The following FBN2 variants were observed in gnomAD, a reference collection of about 807,000 sequenced individuals.
The protein encoded by FBN2 is fibrillin 2.
In FBN2, 105 loss-of-function variants were observed where a neutral mutation model predicts 355.6. The ratio of observed to expected loss-of-function variants is 0.30; its 90% CI spans 0.25 to 0.35. The LOEUF is 0.35. Among genes scored for constraint, FBN2 ranks in the 10% least tolerant of loss-of-function variants. The pLI, the probability that FBN2 is intolerant of heterozygous loss-of-function variation, is 1.00. For synonymous variants in FBN2, 1,350 were observed against 1,301.2 expected (o/e 1.04, Z -0.81); for missense variants, 3,280 against 3,758.7 (o/e 0.87, Z 3.33).
intron 62 of FBN2, among the ~76,000 whole-genome samples, chr5:128,269,654 G>A (rs190922455): frequency 1.3e-4 from 19 of 151,998 alleles, no homozygotes; most frequent in Non-Finnish European, 2.4e-4. Flanking sequence ...AATAAAATAC[G>A]TAAGAATACA....
At chr5:128,518,931 T>C (rs943956570) in intron 5 of FBN2, among the ~76,000 whole-genome samples, 2 of 152,178 alleles carry the variant, frequency 1.3e-5, no homozygotes, top group African/African-American at 4.8e-5. Flanking sequence ...CAAAGATAAC[T>C]TGACACTATT....
chr5:128,277,340 T>C (rs1554116973), intron 58 of FBN2, among the ~76,000 whole-genome samples: 1 of 152,240 alleles, frequency 6.6e-6, no homozygotes, highest in Non-Finnish European at 1.5e-5. Context: ...TGTAAAATGA[T>C]AGAAGGATTC....
At chr5:128,448,242 T>G (rs985788003) in intron 6 of FBN2, among the ~76,000 whole-genome samples, 7 of 151,988 alleles carry the variant, frequency 4.6e-5, no homozygotes, top group African/African-American at 1.5e-4. Flanking sequence ...CTACTGTTCA[T>G]GAAGACTCCT....
At chr5:128,458,393 G>A (rs1232426902) in intron 6 of FBN2, among the ~76,000 whole-genome samples, 3 of 151,178 alleles carry the variant, frequency 2.0e-5, no homozygotes, top group African/African-American at 4.9e-5. Context: ...AGTACTAGAC[G>A]GATAAATGAG....
At chr5:128,295,968 T>C (rs1749496124) in intron 48 of FBN2, among the ~76,000 whole-genome samples, 1 of 149,638 alleles carries the variant, frequency 6.7e-6, no homozygotes, top group Admixed American at 6.6e-5. Context: ...ATATTGGCTG[T>C]GGGTTTGTCA....
intron 5 of FBN2, among the ~76,000 whole-genome samples, chr5:128,491,511 G>C (rs905716327): frequency 4.6e-5 from 7 of 152,180 alleles, no homozygotes; most frequent in Non-Finnish European, 7.3e-5. Flanking sequence ...AGCAACAGAA[G>C]ACTGCCAGGG....
intron 7 of FBN2, among the ~76,000 whole-genome samples, chr5:128,444,035 T>C (rs565791091): frequency 9.1e-4 from 133 of 146,778 alleles, no homozygotes; most frequent in African/African-American, 3.2e-3. Flanking sequence ...TAGTTTTATA[T>C]AAGCAAATAT....
At chr5:128,270,770 T>A (rs912511726) in intron 62 of FBN2, among the ~76,000 whole-genome samples, 2 of 152,230 alleles carry the variant, frequency 1.3e-5, no homozygotes, top group Non-Finnish European at 2.9e-5. Flanking sequence ...CTGTTTCTGA[T>A]ATTCTAAAGA....
At chr5:128,283,907 T>C (rs1749057556) in intron 55 of FBN2, among the ~76,000 whole-genome samples, 1 of 152,230 alleles carries the variant, frequency 6.6e-6, no homozygotes, top group Admixed American at 6.5e-5. Context: ...ACTTATCTTT[T>C]ATACATATTC....
intron 7 of FBN2, among the ~76,000 whole-genome samples, chr5:128,428,697 C>G (rs1414040094): frequency 1.3e-5 from 2 of 152,210 alleles, no homozygotes; most frequent in African/African-American, 4.8e-5. Context: ...TTTACTGTCT[C>G]TTGCCTCTAT....
At position 128,338,111 on chromosome 5, in the gene FBN2, A is replaced by AT; in HGVS notation, c.3483dup (p.Cys1162MetfsTer2). ...CTACAAAGGAGAGGGTTACGTTCAC[A>AT]TTCGTCAATGTCTGAAAGGTAAAAA... On this transcript the variant is annotated frameshift_variant, in exon 27 of 65. Transcript: ENST00000262464. LOFTEE classifies it high-confidence loss of function. 1 of 1,614,142 alleles carries AT rather than the reference A, an allele frequency of 6.2e-7. No homozygotes were observed.
chr5:128,363,639 G>A (rs1358527088), intron 18 of FBN2, among the ~76,000 whole-genome samples: 4 of 152,188 alleles, frequency 2.6e-5, no homozygotes, highest in Non-Finnish European at 5.9e-5. Context: ...TTATAATGAG[G>A]TTGTTAGGGT....
chr5:128,447,555 A>C (rs1177712231), intron 6 of FBN2, among the ~76,000 whole-genome samples: 1 of 152,146 alleles, frequency 6.6e-6, no homozygotes, highest in East Asian at 1.9e-4. Context: ...TCCTGATAAG[A>C]TGTTATCAAT....
In FBN2 at chr5:128,324,428, T is replaced by C. The variant is rs112177406; in HGVS notation, c.4471+4268A>G. 8.5e-4 allele frequency among the ~76,000 whole-genome samples: 130 copies of C among 152,330 alleles called. 2 individuals are homozygous for C. Among genetic ancestry groups the C allele is most frequent in the Middle Eastern group, 6.8e-3 (2 of 294 alleles). ...GCTTTCTCCTGTGGGCATTTACTGC[T>C]ATAAATTTCTGTCTAAACACTGCTT... is the stretch of plus-strand genomic sequence containing the variant. On this transcript the variant is annotated intron_variant, in intron 34 of 64. Transcript: ENST00000262464.
chr5:128,439,865 A>G (rs972554445), intron 7 of FBN2, among the ~76,000 whole-genome samples: 4 of 152,134 alleles, frequency 2.6e-5, no homozygotes, highest in Admixed American at 6.5e-5. Flanking sequence ...TTTCTTTTGT[A>G]TACATAATAT....
intron 8 of FBN2, among the ~76,000 whole-genome samples, chr5:128,399,148 G>T (rs186614282): frequency 7.9e-5 from 12 of 152,236 alleles, no homozygotes; most frequent in African/African-American, 2.4e-4. Context: ...TAAGACCTCA[G>T]ATATAAGAAG....
At chr5:128,324,253 T>A (rs1358977471) in intron 34 of FBN2, among the ~76,000 whole-genome samples, 1 of 152,292 alleles carries the variant, frequency 6.6e-6, no homozygotes, top group Non-Finnish European at 1.5e-5. Flanking sequence ...CTGGATTCAT[T>A]GATTTTCTTT....
At chr5:128,479,972 CTCTCTA>C (rs1380725883) in intron 5 of FBN2, among the ~76,000 whole-genome samples, 10 of 20,508 alleles carry the variant, frequency 4.9e-4, no homozygotes, top group East Asian at 1.4e-3. Flanking sequence ...CTCTCTCTCT[CTCTCTA>C]TATATATATA....
intron 2 of FBN2, 90 bp downstream of exon 2, chr5:128,536,312 A>G (rs1756844776): frequency 1.0e-6 from 1 of 967,792 alleles, no homozygotes. Context: ...TTTAAACGCA[A>G]CTATGCGTCC....
Sources: gnomAD v4.1 joint callset for allele counts (sites outside exome capture counted in the v4.1 genomes callset) on GRCh38, gnomAD v4.1.1 for gene constraint, MANE v1.5 for transcripts, NCBI Gene and HGNC (gene_info 2026-07-23, HGNC 2026-07-21) for gene names.